PSMB8: variants seen among roughly 807,000 people sequenced by gnomAD.
The protein encoded by PSMB8 is proteasome 20S subunit beta 8, also known as proteasome subunit beta type-8.
In PSMB8, 20 loss-of-function variants were observed where a neutral mutation model predicts 32.3. That is an observed-to-expected ratio of 0.62 (90% CI 0.44 to 0.90). The LOEUF (loss-of-function observed/expected upper bound fraction) is 0.90. PSMB8 is among the 40% of genes least tolerant of loss of function. The probability of loss-of-function intolerance (pLI) is 0.00; values close to 1 mark genes in which losing one functional copy is unlikely to be tolerated. For synonymous variants in PSMB8, 131 were observed against 135.4 expected, an observed-to-expected ratio of 0.97 and a Z score of 0.23; for missense variants, 342 against 365.4, an observed-to-expected ratio of 0.94 and a Z score of 0.52.
upstream of PSMB8, chr6:32,844,559 G>A: frequency 1.0e-6 from 1 of 961,410 alleles, no homozygotes; most frequent in Non-Finnish European, 1.6e-6. Flanking sequence ...TTTCCACGGG[G>A]TCCATCCTAG....
intron 1 of PSMB8, 137 bp downstream of exon 1, chr6:32,843,713 T>C (rs2127379817): frequency 9.6e-7 from 1 of 1,041,484 alleles, no homozygotes; most frequent in Non-Finnish European, 1.4e-6. Context: ...CTTCTTTGGG[T>C]CTGGCGCTCT....
In PSMB8 at chr6:32,842,922, G is replaced by A. The variant is rs1345682687; in HGVS notation, c.295+20C>T. 6.2e-7 allele frequency: 1 copy of A among 1,613,720 alleles called. No individual in the cohort carries two copies. Among genetic ancestry groups the A allele is most frequent in the African/African-American group, 1.3e-5 (1 of 74,940 alleles). On this transcript the variant is annotated intron_variant, in intron 2 of 5. Coordinates refer to ENST00000374882, the MANE Select transcript of PSMB8 (RefSeq NM_148919.4). Reference sequence around the variant, plus strand: ...GAGCCCAGCTCCCCAGATTCTGCCTGCTGGAGCGTATACACTCACTAATGT... The same window carrying A: ...GAGCCCAGCTCCCCAGATTCTGCCTACTGGAGCGTATACACTCACTAATGT...
At chr6:32,843,260 AAAG>A (rs1388066318) in intron 1 of PSMB8, among the ~76,000 whole-genome samples, 171 bp from the exon 2 acceptor site, 1 of 152,240 alleles carries the variant, frequency 6.6e-6, no homozygotes, top group Admixed American at 6.5e-5. Context: ...GGGAGAAGGA[AAAG>A]AAGAGGCATG....
In PSMB8 at chr6:32,844,012, A is replaced by G; in HGVS notation, c.-16T>C. The G allele has an allele frequency of 6.2e-7, 1 of 1,608,996 alleles. No homozygotes were observed. Among genetic ancestry groups the G allele is most frequent in the Non-Finnish European group, 8.5e-7 (1 of 1,177,502 alleles). ...GTAGCGCCATGACCGCCCAGCACCC[A>G]GAGATCTGTCCGCTCTCGGAGGAGG... On this transcript the variant is annotated 5_prime_UTR_variant, in exon 1 of 6. Transcript: ENST00000374882.
upstream of PSMB8, chr6:32,844,567 T>C (rs2127381964): frequency 1.2e-6 from 1 of 865,460 alleles, no homozygotes. Context: ...GGGTCCATCC[T>C]AGGGCCCCTC....
At chr6:32,844,253 T>C (rs1404924220), upstream of PSMB8, 5 of 1,613,066 alleles carry the variant, frequency 3.1e-6, no homozygotes, top group Non-Finnish European at 4.2e-6. Flanking sequence ...AAAGCCCACT[T>C]GGCGATGGGT....
rs536434302 is a variant in PSMB8, at chr6:32,843,772, G to A, written c.147+78C>T. The stretch of plus-strand genomic sequence containing the variant: ...CCCTGTACCCCGCGCTCCCGCTCTC[G>A]CCTCCTCCTCTCAGGCGACCCTCCA... On this transcript the variant is annotated intron_variant, in intron 1 of 5. Coordinates refer to ENST00000374882, the MANE Select transcript of PSMB8 (RefSeq NM_148919.4). 395 of 1,571,552 alleles carry A rather than the reference G, an allele frequency of 2.5e-4. 1 individual carries two copies. The highest frequency in any genetic ancestry group is 6.9e-4 in the Admixed American group (41 of 59,838).
chr6:32,842,272 G>C lies in PSMB8; in HGVS notation c.408-9C>G. ...TTCGCAGATAGTACAGCCTGGGTGA[G>C]GACAAGGTGGAGTGAGGAAAGAGAG... On this transcript the variant is annotated splice_polypyrimidine_tract_variant and intron_variant, in intron 3 of 5. Transcript: ENST00000374882. The C allele has an allele frequency of 6.2e-7, 1 of 1,613,066 alleles. No individual in the cohort carries two copies. Among genetic ancestry groups the C allele is most frequent in the Non-Finnish European group, 8.5e-7 (1 of 1,180,030 alleles).
At chr6:32,842,916 C>G in intron 2 of PSMB8, 26 bp downstream of exon 2, 1 of 1,613,912 alleles carries the variant, frequency 6.2e-7, no homozygotes, top group Non-Finnish European at 8.5e-7. Context: ...TCCCCAGATT[C>G]TGCCTGCTGG....
Position 32,841,629 on chromosome 6 carries a change from TAGCCACTG to T in PSMB8, c.636_643del (p.Asp212GlufsTer4). On this transcript the variant is annotated frameshift_variant, in exon 5 of 6. Coordinates refer to ENST00000374882, the MANE Select transcript of PSMB8 (RefSeq NM_148919.4). LOFTEE classifies it high-confidence loss of function. ...CTCTTCAGGGCTAAGATTAGGCCGATAGCCACTGTCCATGACCCCGTAGGCATAAGTGT... is the reference window on the plus strand; with the variant it reads ...CTCTTCAGGGCTAAGATTAGGCCGATTCCATGACCCCGTAGGCATAAGTGT... 1.9e-6 allele frequency: 3 copies of T among 1,613,036 alleles called. No homozygotes were observed. Among genetic ancestry groups the T allele is most frequent in the Non-Finnish European group, 2.5e-6 (3 of 1,180,018 alleles).
rs1411656923 is a variant in PSMB8 at position 32,843,965 on chromosome 6, C to T, written c.32G>A (p.Arg11Gln). 6 of 1,612,210 alleles carry T rather than the reference C, an allele frequency of 3.7e-6. No individual in the cohort carries two copies. The highest frequency in any genetic ancestry group is 4.2e-6 in the Non-Finnish European group (5 of 1,179,816). Residue 11 changes from arginine (R) to glutamine (Q), a missense_variant, in exon 1 of 6, where the codon CGA (arginine) becomes CAA (glutamine). By Grantham distance (43) the Arg-to-Gln change is conservative. Transcript: ENST00000374882. ...GAGAGCCGATTCCGGCCGCTGCCCT[C>T]GGGGGGCTCCGCATACATCTAGTAG... is the stretch of plus-strand genomic sequence containing the variant. MALLDVCGAP[R>Q]GQRPESALPV...
upstream of PSMB8, chr6:32,844,435 A>G (rs1192362671): frequency 6.2e-7 from 1 of 1,613,200 alleles, no homozygotes; most frequent in African/African-American, 1.3e-5. Context: ...ACCAGGAGGG[A>G]CGGAAGTGCG....
Position 32,843,844 on chromosome 6 carries a change from C to G in PSMB8, c.147+6G>C. ...GCATCCCTAGGGGCTTCCCTACTGC[C>G]CCGACCTGCATTCCCCGGGGTAAAG... is the stretch of plus-strand genomic sequence containing the variant. On this transcript the variant is annotated splice_donor_region_variant and intron_variant, in intron 1 of 5. Coordinates refer to ENST00000374882, the MANE Select transcript of PSMB8 (RefSeq NM_148919.4). The G allele has an allele frequency of 6.2e-7, 1 of 1,612,706 alleles. No homozygotes were observed. The highest frequency in any genetic ancestry group is 8.5e-7 in the Non-Finnish European group (1 of 1,180,012).
At chr6:32,844,303 A>G, upstream of PSMB8, 1 of 1,613,854 alleles carries the variant, frequency 6.2e-7, no homozygotes, top group Non-Finnish European at 8.5e-7. Context: ...ATCCGCTGGA[A>G]ACAGGGGTGG....
At chr6:32,843,753 A>G in intron 1 of PSMB8, 97 bp downstream of exon 1, 1 of 1,490,008 alleles carries the variant, frequency 6.7e-7, no homozygotes, top group Non-Finnish European at 9.2e-7. Context: ...CCGACCCTGT[A>G]CCCCGCGCTC....
chr6:32,843,763 C>G, intron 1 of PSMB8, 87 bp downstream of exon 1: 1 of 1,554,218 alleles, frequency 6.4e-7, no homozygotes, highest in Non-Finnish European at 8.8e-7. Flanking sequence ...ACCCCGCGCT[C>G]CCGCTCTCGC....
chr6:32,841,160 G>A, intron 5 of PSMB8, 113 bp from the exon 6 acceptor site: 1 of 932,812 alleles, frequency 1.1e-6, no homozygotes, highest in Non-Finnish European at 1.8e-6. Flanking sequence ...AAAACCATAT[G>A]ACTGGGCCTT....
upstream of PSMB8, chr6:32,844,160 T>C (rs1770149783): frequency 2.6e-6 from 4 of 1,517,648 alleles, no homozygotes; most frequent in East Asian, 9.7e-5. Flanking sequence ...GGGACCGGCT[T>C]CTCTGCTCTC....
At chr6:32,844,185 G>A, upstream of PSMB8, 1 of 1,546,280 alleles carries the variant, frequency 6.5e-7, no homozygotes. Flanking sequence ...TATGGGGGTC[G>A]GGGGAATGAT....
Sources: allele counts gnomAD v4.1 joint callset (sites outside exome capture counted in the v4.1 genomes callset), GRCh38; gene constraint gnomAD v4.1.1; transcripts MANE v1.5; gene names NCBI Gene and HGNC (gene_info 2026-07-23, HGNC 2026-07-21).